The following CECR2 variants were observed in gnomAD, a reference collection of about 807,000 sequenced individuals.
CECR2 encodes the protein CECR2 histone acetyl-lysine reader, also known as chromatin remodeling regulator CECR2.
A neutral mutation model predicts 154.5 loss-of-function variants in CECR2; 30 were observed. The observed-to-expected ratio is 0.19, with a 90% CI of 0.15 to 0.26. CECR2 has a LOEUF of 0.26. CECR2 is among the 10% of genes least tolerant of loss of function. The pLI is 1.00. For synonymous variants in CECR2, 725 were observed against 683.7 expected, an observed-to-expected ratio of 1.06 and a Z score of -0.94; for missense variants, 1,743 against 1,829.3, an observed-to-expected ratio of 0.95 and a Z score of 0.86.
chr22:17,528,482 T>C (rs765427806), intron 9 of CECR2, among the ~76,000 whole-genome samples: 1 of 152,140 alleles, frequency 6.6e-6, no homozygotes, highest in Non-Finnish European at 1.5e-5. Flanking sequence ...TGAATGAATA[T>C]GATCTGGCAT....
At chr22:17,361,957 G>A (rs1264957091) in intron 1 of CECR2, among the ~76,000 whole-genome samples, 6 of 152,082 alleles carry the variant, frequency 3.9e-5, no homozygotes, top group African/African-American at 1.2e-4. Context: ...AGGTGGAAGG[G>A]GTGAGTTGGG....
At chr22:17,544,294 T>G (rs1017037944) in intron 16 of CECR2, among the ~76,000 whole-genome samples, 7 of 150,992 alleles carry the variant, frequency 4.6e-5, no homozygotes, top group African/African-American at 1.7e-4. Flanking sequence ...GTCAGGAGAT[T>G]GAGACCATCC....
chr22:17,433,702 C>T (rs1339092704), intron 1 of CECR2, among the ~76,000 whole-genome samples: 2 of 152,218 alleles, frequency 1.3e-5, no homozygotes, highest in Non-Finnish European at 2.9e-5. Context: ...CCACCTCGCC[C>T]TCCCAAAGTA....
At chr22:17,376,028 C>CCTT (rs1188617339) in intron 1 of CECR2, among the ~76,000 whole-genome samples, 1 of 151,864 alleles carries the variant, frequency 6.6e-6, no homozygotes, top group Admixed American at 6.6e-5. Flanking sequence ...GGATAAAATG[C>CCTT]CTTCTAAAGA....
chr22:17,419,777 C>G (rs1211548836), intron 1 of CECR2: 1 of 293,618 alleles, frequency 3.4e-6, no homozygotes, highest in Admixed American at 4.0e-5. Context: ...ATGGGGATAA[C>G]AGAGAGGCAT....
chr22:17,499,322 A>T, intron 3 of CECR2, 88 bp from the exon 4 acceptor site: 1 of 1,475,286 alleles, frequency 6.8e-7, no homozygotes, highest in Non-Finnish European at 9.2e-7. Flanking sequence ...AGTTATGCTT[A>T]CGTGTAAATT....
In CECR2 at chr22:17,552,953, C is replaced by T. The variant is rs758710482; in HGVS notation, c.*113C>T. On this transcript the variant is annotated 3_prime_UTR_variant, in exon 19 of 19. Coordinates refer to ENST00000262608, the MANE Select transcript of CECR2 (RefSeq NM_001290047.2). ...TCCCATCACCTGCTCCACCCCTTCA[C>T]GGCGACCCACTCGTGCCATACTTGA... 41 of 1,507,594 alleles carry T rather than the reference C, an allele frequency of 2.7e-5. No homozygotes were observed. Among genetic ancestry groups the T allele is most frequent in the Non-Finnish European group, 3.1e-5 (35 of 1,130,808 alleles). The allele number at this position is 1,507,594 out of a possible 1,614,324, so 93.4% of individuals were successfully genotyped here.
intron 8 of CECR2, among the ~76,000 whole-genome samples, chr22:17,519,452 G>C (rs1038920501): frequency 1.1e-4 from 17 of 151,734 alleles, no homozygotes; most frequent in African/African-American, 4.1e-4. Context: ...GTAGAGACAG[G>C]GTTCACCACA....
intron 1 of CECR2, among the ~76,000 whole-genome samples, chr22:17,433,036 C>A (rs191625203): frequency 6.6e-6 from 1 of 152,202 alleles, no homozygotes; most frequent in African/African-American, 2.4e-5. Flanking sequence ...GCTACATCCC[C>A]ACCTCGTGTG....
intron 1 of CECR2, among the ~76,000 whole-genome samples, chr22:17,412,759 A>G (rs928714775): frequency 6.6e-6 from 1 of 152,078 alleles, no homozygotes; most frequent in African/African-American, 2.4e-5. Context: ...CTTTGTGTGG[A>G]GACAGGTGGC....
At chr22:17,365,269 C>T (rs1396409469), upstream of CECR2, among the ~76,000 whole-genome samples, 3 of 152,068 alleles carry the variant, frequency 2.0e-5, no homozygotes, top group African/African-American at 4.8e-5. Flanking sequence ...TCCTGGTTAA[C>T]GACGGTTATG....
At chr22:17,428,798 T>TTTTGTGTGTGTGTG (rs367634017) in intron 1 of CECR2, among the ~76,000 whole-genome samples, 5 of 136,334 alleles carry the variant, frequency 3.7e-5, no homozygotes, top group African/African-American at 1.4e-4. Flanking sequence ...ATGTTTTTAT[T>TTTTGTGTGTGTGTG]TGTGTGTGTG....
intron 1 of CECR2, among the ~76,000 whole-genome samples, chr22:17,466,149 G>A (rs2518755): frequency 0.15 from 22,429 of 151,674 alleles, 1,967 homozygotes; most frequent in African/African-American, 0.24. Context: ...ACAGGGTTTC[G>A]CTATGTTGGC....
At chr22:17,447,456 T>C (rs2054691371) in intron 1 of CECR2, among the ~76,000 whole-genome samples, 1 of 152,014 alleles carries the variant, frequency 6.6e-6, no homozygotes, top group Admixed American at 6.6e-5. Context: ...CCCGGCTGTT[T>C]ACAATCCTTT....
intron 1 of CECR2, among the ~76,000 whole-genome samples, chr22:17,430,721 C>T (rs1033728150): frequency 1.4e-4 from 22 of 151,930 alleles, no homozygotes; most frequent in African/African-American, 5.3e-4. Flanking sequence ...GGGAAAAGAA[C>T]AAGGTTGCAT....
chr22:17,474,866 A>G (rs867429322), intron 1 of CECR2, among the ~76,000 whole-genome samples: 1 of 152,118 alleles, frequency 6.6e-6, no homozygotes, highest in Non-Finnish European at 1.5e-5. Flanking sequence ...GGGTCTCGCT[A>G]TGTTCCTCAG....
chr22:17,365,890 A>C (rs1438894474), upstream of CECR2, among the ~76,000 whole-genome samples: 1 of 152,010 alleles, frequency 6.6e-6, no homozygotes, highest in Non-Finnish European at 1.5e-5. Flanking sequence ...TTCATTTCCC[A>C]GATTATCCTC....
At position 17,542,157 on chromosome 22, in the gene CECR2, C is replaced by T; in HGVS notation, c.2014C>T (p.Pro672Ser). The part of the protein sequence containing the change: ...VQQRQPFTMQ[P>S]PVGINSLRGP... ...CTGTGCTGCCTTTTCTCGTTGCCAGCCTCCAGTTGGAATTAACAGCCTCCG... is the reference window on the plus strand; with the variant it reads ...CTGTGCTGCCTTTTCTCGTTGCCAGTCTCCAGTTGGAATTAACAGCCTCCG... Residue 672 changes from proline (P) to serine (S), a missense_variant and splice_region_variant, in exon 16 of 19, where the codon CCT (proline) becomes TCT (serine). By Grantham distance (74) the Pro-to-Ser change is moderately conservative. This residue lies in a region of CECR2 where 1,250 missense variants were observed against 1,192.1 expected (regional missense o/e 1.05). Coordinates refer to ENST00000262608, the MANE Select transcript of CECR2 (RefSeq NM_001290047.2). The T allele has an allele frequency of 3.1e-6, 5 of 1,607,152 alleles. No individual in the cohort carries two copies. Among genetic ancestry groups the T allele is most frequent in the Non-Finnish European group, 4.3e-6 (5 of 1,174,800 alleles).
chr22:17,458,403 GTC>G (rs1265523133), intron 1 of CECR2, among the ~76,000 whole-genome samples: 4 of 146,946 alleles, frequency 2.7e-5, no homozygotes, highest in African/African-American at 1.0e-4. Context: ...GACAGAGCAA[GTC>G]TCTGTCTCCA....
Sources: allele counts gnomAD v4.1 joint callset (sites outside exome capture counted in the v4.1 genomes callset), GRCh38; gene constraint gnomAD v4.1.1; regional missense constraint gnomAD v4.1.1; transcripts MANE v1.5; gene names NCBI Gene and HGNC (gene_info 2026-07-23, HGNC 2026-07-21).